The following RASAL2 variants were observed in gnomAD, a reference collection of about 807,000 sequenced individuals.
RASAL2 encodes the protein RAS protein activator like 2.
Under a neutral mutation model 128.9 loss-of-function variants are expected in RASAL2, and 58 were observed. That is an observed-to-expected ratio of 0.45 (90% CI 0.36 to 0.56). The LOEUF (loss-of-function observed/expected upper bound fraction) is 0.56, where lower values mean the gene tolerates loss of function less well. RASAL2 is among the 20% of genes least tolerant of loss of function. The pLI is 0.00. For synonymous variants in RASAL2, 561 were observed against 580.8 expected (o/e 0.97, Z 0.49); for missense variants, 1,360 against 1,601.6 (o/e 0.85, Z 2.57).
chr1:178,255,663 G>A (rs1665309612), intron 1 of RASAL2, among the ~76,000 whole-genome samples: 1 of 151,928 alleles, frequency 6.6e-6, no homozygotes, highest in Admixed American at 6.6e-5. Flanking sequence ...TGTATGGTAA[G>A]CCATAGAGAA....
At chr1:178,423,114 T>C (rs1675267454) in intron 5 of RASAL2, among the ~76,000 whole-genome samples, 1 of 152,156 alleles carries the variant, frequency 6.6e-6, no homozygotes, top group Admixed American at 6.6e-5. Flanking sequence ...ACTCTCCCTG[T>C]GTCAGTAAAT....
At chr1:178,258,448 G>A (rs926041664) in intron 1 of RASAL2, among the ~76,000 whole-genome samples, 2 of 152,116 alleles carry the variant, frequency 1.3e-5, no homozygotes, top group South Asian at 2.1e-4. Context: ...TTAAAAACAG[G>A]CAAAGGATCT....
At position 178,194,043 on chromosome 1, in the gene RASAL2, T is replaced by C. The variant is rs116412053; in HGVS notation, c.203-89521T>C. Among the ~76,000 whole-genome samples the C allele has an allele frequency of 3.3e-3, 510 of 152,304 alleles. 4 individuals carry two copies. Among genetic ancestry groups the C allele is most frequent in the African/African-American group, 0.012 (495 of 41,578 alleles). On this transcript the variant is annotated intron_variant, in intron 1 of 17. Transcript: ENST00000367649. ...ATAACTAAGTTTATTGCCAAAGGAC[T>C]TGTACACATTTATTTGTCAATTTTA...
intron 1 of RASAL2, among the ~76,000 whole-genome samples, chr1:178,271,918 C>T (rs1666278003): frequency 1.3e-5 from 2 of 152,114 alleles, no homozygotes; most frequent in South Asian, 4.1e-4. Context: ...GAAGTAGGAC[C>T]ACCGTCTTCC....
chr1:178,276,101 G>A (rs1317874368), intron 1 of RASAL2, among the ~76,000 whole-genome samples: 7 of 152,120 alleles, frequency 4.6e-5, no homozygotes, highest in Non-Finnish European at 8.8e-5. Context: ...AGGTACGAGG[G>A]TGGCCATATT....
chr1:178,231,680 CT>C (rs1328718014), intron 1 of RASAL2, among the ~76,000 whole-genome samples: 5 of 151,960 alleles, frequency 3.3e-5, no homozygotes, highest in Non-Finnish European at 5.9e-5. Context: ...ACATTTAGGT[CT>C]TTTTTTCTCC....
At chr1:178,471,524 G>C (rs745317076) in intron 17 of RASAL2, among the ~76,000 whole-genome samples, 7 of 152,190 alleles carry the variant, frequency 4.6e-5, no homozygotes, top group South Asian at 2.1e-4. Flanking sequence ...TAATAGTGCT[G>C]ATTTTGTATA....
intron 3 of RASAL2, among the ~76,000 whole-genome samples, chr1:178,374,722 A>G (rs1671897149): frequency 6.6e-6 from 1 of 152,122 alleles, no homozygotes; most frequent in Non-Finnish European, 1.5e-5. Flanking sequence ...AAAATCCCCA[A>G]GCCTCCCTTC....
intron 12 of RASAL2, among the ~76,000 whole-genome samples, chr1:178,455,597 G>A (rs1008901319): frequency 2.0e-5 from 3 of 152,168 alleles, no homozygotes; most frequent in Admixed American, 6.5e-5. Context: ...CCTTATTCTC[G>A]AGGACCTTTT....
At chr1:178,235,594 G>A (rs887846392) in intron 1 of RASAL2, among the ~76,000 whole-genome samples, 4 of 151,668 alleles carry the variant, frequency 2.6e-5, no homozygotes, top group East Asian at 1.9e-4. Context: ...TAAGTGCTTC[G>A]TGTGCGTGTG....
chr1:178,102,344 G>A (rs984321665), intron 1 of RASAL2, among the ~76,000 whole-genome samples: 6 of 151,740 alleles, frequency 4.0e-5, no homozygotes, highest in African/African-American at 7.3e-5. Flanking sequence ...TTTTAGAGAC[G>A]GGGTCTCATT....
At chr1:178,369,203 A>G (rs952778324) in intron 3 of RASAL2, among the ~76,000 whole-genome samples, 1 of 151,682 alleles carries the variant, frequency 6.6e-6, no homozygotes, top group African/African-American at 2.4e-5. Context: ...CTTGTACCCC[A>G]TACAAAGAGT....
At chr1:178,381,074 T>C (rs1259480968) in intron 3 of RASAL2, among the ~76,000 whole-genome samples, 1 of 152,174 alleles carries the variant, frequency 6.6e-6, no homozygotes, top group Non-Finnish European at 1.5e-5. Context: ...GTGGCCAGTT[T>C]GAGATTAGAG....
At chr1:178,150,612 TTGAACACTTCTAAAACC>T (rs1173354832) in intron 1 of RASAL2, among the ~76,000 whole-genome samples, 1 of 152,252 alleles carries the variant, frequency 6.6e-6, no homozygotes, top group Non-Finnish European at 1.5e-5. Context: ...TATAAAAATA[TTGAACACTTCTAAAACC>T]TGTGGCTTCT....
chr1:178,437,230 T>C (rs1403751928), intron 5 of RASAL2, among the ~76,000 whole-genome samples: 1 of 152,114 alleles, frequency 6.6e-6, no homozygotes. Context: ...CTTGATCTGT[T>C]GTTTGTGTTT....
At chr1:178,440,239 T>C (rs911885498) in intron 6 of RASAL2, among the ~76,000 whole-genome samples, 2 of 152,020 alleles carry the variant, frequency 1.3e-5, no homozygotes, top group Admixed American at 1.3e-4. Flanking sequence ...GGCTGAGATT[T>C]GATTAATTAA....
At chr1:178,250,600 G>T (rs1347740001) in intron 1 of RASAL2, among the ~76,000 whole-genome samples, 1 of 152,106 alleles carries the variant, frequency 6.6e-6, no homozygotes, top group Non-Finnish European at 1.5e-5. Flanking sequence ...TCTTGCTGGG[G>T]TTCCAGGCGC....
chr1:178,109,252 G>A (rs964698608), intron 1 of RASAL2, among the ~76,000 whole-genome samples: 10 of 152,120 alleles, frequency 6.6e-5, no homozygotes, highest in Non-Finnish European at 1.2e-4. Context: ...GACATTGATA[G>A]AATTCACAGT....
intron 4 of RASAL2, among the ~76,000 whole-genome samples, chr1:178,417,193 T>G (rs187391136): frequency 1.3e-5 from 2 of 152,290 alleles, no homozygotes; most frequent in East Asian, 3.9e-4. Flanking sequence ...GGGTTATTTT[T>G]GTTTGTTCTG....
Sources: gnomAD v4.1 joint callset for allele counts (sites outside exome capture counted in the v4.1 genomes callset) on GRCh38, gnomAD v4.1.1 for gene constraint, MANE v1.5 for transcripts, NCBI Gene and HGNC (gene_info 2026-07-23, HGNC 2026-07-21) for gene names.